The following UNC13C variants were observed in gnomAD, a reference collection of about 807,000 sequenced individuals.
UNC13C encodes protein unc-13 homolog C.
A neutral mutation model predicts 245.4 loss-of-function variants in UNC13C; 174 were observed. The observed-to-expected ratio is 0.71, with a 90% CI of 0.63 to 0.80. The LOEUF (loss-of-function observed/expected upper bound fraction) is 0.80. Among genes scored for constraint, UNC13C ranks in the 30% least tolerant of loss-of-function variants. The pLI is 0.00. For synonymous variants in UNC13C, 992 were observed against 895.1 expected (o/e 1.11, Z -1.93); for missense variants, 2,829 against 2,602.9 (o/e 1.09, Z -1.89).
the UNC13C span, among the ~76,000 whole-genome samples, chr15:53,861,796 A>G: frequency 1.3e-5 from 2 of 152,136 alleles, no homozygotes; most frequent in South Asian, 2.1e-4. Flanking sequence ...AGAGTAGTCC[A>G]TGGAAGATAG....
the UNC13C span, among the ~76,000 whole-genome samples, chr15:53,938,262 T>TA: frequency 3.3e-5 from 5 of 151,766 alleles, no homozygotes; most frequent in Non-Finnish European, 5.9e-5. Context: ...CCAATAAAGA[T>TA]AAAAAAAGAC....
At position 54,211,418 on chromosome 15, in the gene UNC13C, A is replaced by G. The variant is rs147843853; in HGVS notation, c.3072-23612A>G. Among the ~76,000 whole-genome samples, 537 of 152,198 alleles carry G rather than the reference A, an allele frequency of 3.5e-3. 4 individuals are homozygous for G. Among genetic ancestry groups the G allele is most frequent in the East Asian group, 0.028 (147 of 5,164 alleles). ...TTAGTTGTGTGCTGGTAAATGTTTA[A>G]TACTTGTAGGTTTTATTCAAGTAGG... is the stretch of plus-strand genomic sequence containing the variant. On this transcript the variant is annotated intron_variant, in intron 4 of 32. Coordinates refer to ENST00000260323, the MANE Select transcript of UNC13C (RefSeq NM_001080534.3).
chr15:54,102,099 A>G (rs1314802652), intron 2 of UNC13C, among the ~76,000 whole-genome samples: 3 of 150,594 alleles, frequency 2.0e-5, no homozygotes, highest in Non-Finnish European at 4.4e-5. Flanking sequence ...TAGTCATATT[A>G]TAAGTGACTC....
At chr15:54,124,620 A>AT (rs35564325) in intron 2 of UNC13C, among the ~76,000 whole-genome samples, 1 of 149,338 alleles carries the variant, frequency 6.7e-6, no homozygotes, top group South Asian at 2.1e-4. Flanking sequence ...TCTAAGAACA[A>AT]TTTTTTAAAT....
At chr15:53,991,397 A>G (rs1383156071) in intron 1 of UNC13C, among the ~76,000 whole-genome samples, 1 of 152,018 alleles carries the variant, frequency 6.6e-6, no homozygotes, top group African/African-American at 2.4e-5. Flanking sequence ...AAAATAAAAC[A>G]TTGTTCTTTC....
At chr15:54,482,089 C>G (rs1412649838) in intron 19 of UNC13C, among the ~76,000 whole-genome samples, 2 of 152,120 alleles carry the variant, frequency 1.3e-5, no homozygotes, top group African/African-American at 4.8e-5. Context: ...GGCAGCCTCT[C>G]TGGTGTGCTT....
At chr15:54,520,781 G>A (rs1403596473) in intron 24 of UNC13C, among the ~76,000 whole-genome samples, 2 of 152,260 alleles carry the variant, frequency 1.3e-5, no homozygotes, top group Middle Eastern at 3.4e-3. Flanking sequence ...ATGGAAACAC[G>A]TCAGTGGCAT....
At chr15:54,357,667 T>C (rs1318319989) in intron 17 of UNC13C, among the ~76,000 whole-genome samples, 2 of 152,038 alleles carry the variant, frequency 1.3e-5, no homozygotes, top group Non-Finnish European at 2.9e-5. Context: ...TTAGGAGGTA[T>C]AAACGTTTTA....
the UNC13C span, among the ~76,000 whole-genome samples, chr15:53,837,831 A>G: frequency 6.6e-6 from 1 of 152,180 alleles, no homozygotes; most frequent in Non-Finnish European, 1.5e-5. Context: ...ACTGGTTTGA[A>G]ATGCCACCAC....
intron 2 of UNC13C, among the ~76,000 whole-genome samples, chr15:54,036,368 A>G (rs1421307155): frequency 5.3e-5 from 8 of 152,194 alleles, no homozygotes; most frequent in African/African-American, 1.9e-4. Context: ...GTGCAGATGG[A>G]GAAATCCTGA....
chr15:53,952,597 T>C, the UNC13C span, among the ~76,000 whole-genome samples: 3 of 152,242 alleles, frequency 2.0e-5, no homozygotes, highest in Non-Finnish European at 2.9e-5. Context: ...GCTGCCAACA[T>C]GGACTTCGTA....
chr15:54,314,611 A>G (rs1233194851), intron 13 of UNC13C, among the ~76,000 whole-genome samples: 2 of 151,746 alleles, frequency 1.3e-5, no homozygotes, highest in African/African-American at 2.4e-5. Context: ...AAGGAAAGAA[A>G]TGTTTAATTA....
chr15:54,453,647 A>G (rs1404382653), intron 19 of UNC13C, among the ~76,000 whole-genome samples: 3 of 152,228 alleles, frequency 2.0e-5, no homozygotes, highest in Non-Finnish European at 4.4e-5. Context: ...TTACTGAGTC[A>G]AAGATGATTA....
chr15:54,476,262 T>C (rs1247641914), intron 19 of UNC13C, among the ~76,000 whole-genome samples: 1 of 143,674 alleles, frequency 7.0e-6, no homozygotes, highest in Non-Finnish European at 1.5e-5. Context: ...GTAGATTGCC[T>C]GTTCACTCTG....
chr15:54,130,515 A>G (rs926103101), intron 2 of UNC13C, among the ~76,000 whole-genome samples: 7 of 152,072 alleles, frequency 4.6e-5, no homozygotes, highest in African/African-American at 1.4e-4. Context: ...GATGGTCTCT[A>G]TCTCCTGACC....
rs2140890092 is a variant in UNC13C, at chr15:54,264,409, T to C, written c.3676+14T>C. On this transcript the variant is annotated intron_variant, in intron 9 of 32. Transcript: ENST00000260323. Reference sequence around the variant, plus strand: ...TAACCATTACAGGTAAAAATAAGTCTTCTTAAAAATTTGTATTGTAAATTG... The same window carrying C: ...TAACCATTACAGGTAAAAATAAGTCCTCTTAAAAATTTGTATTGTAAATTG... 3 of 1,546,512 alleles carry C rather than the reference T, an allele frequency of 1.9e-6. No homozygotes were observed. The highest frequency in any genetic ancestry group is 1.8e-6 in the Non-Finnish European group (2 of 1,141,154).
intron 10 of UNC13C, among the ~76,000 whole-genome samples, chr15:54,265,773 A>G (rs2036536226): frequency 6.6e-6 from 1 of 151,976 alleles, no homozygotes; most frequent in African/African-American, 2.4e-5. Flanking sequence ...AAGATACACA[A>G]CATGATCTAT....
chr15:53,856,835 G>A, the UNC13C span, among the ~76,000 whole-genome samples: 1 of 152,026 alleles, frequency 6.6e-6, no homozygotes, highest in East Asian at 1.9e-4. Flanking sequence ...AATATCTTTG[G>A]CAATTTTCTG....
At chr15:54,325,449 TGTGCACAAC>T (rs1270680418) in intron 14 of UNC13C, among the ~76,000 whole-genome samples, 1 of 152,108 alleles carries the variant, frequency 6.6e-6, no homozygotes, top group Admixed American at 6.6e-5. Flanking sequence ...CCAGGGTACA[TGTGCACAAC>T]GTGCAGTTTT....
Sources: allele counts gnomAD v4.1 joint callset (sites outside exome capture counted in the v4.1 genomes callset), GRCh38; gene constraint gnomAD v4.1.1; transcripts MANE v1.5; gene names NCBI Gene and HGNC (gene_info 2026-07-23, HGNC 2026-07-21).